GAREM1: variants seen among roughly 807,000 people sequenced by gnomAD.
The protein encoded by GAREM1 is GRB2 associated regulator of MAPK1 subtype 1.
A neutral mutation model predicts 71.3 loss-of-function variants in GAREM1; 26 were observed. The ratio of observed to expected loss-of-function variants is 0.36; its 90% CI spans 0.27 to 0.51. GAREM1 has a LOEUF of 0.51. Ranked by LOEUF, GAREM1 falls within the 20% of genes least tolerant of loss-of-function variation. GAREM1 has a pLI of 0.95. For synonymous variants in GAREM1, 440 were observed against 433.2 expected (o/e 1.02, Z -0.20); for missense variants, 1,026 against 1,103.1 (o/e 0.93, Z 0.99).
At chr18:32,284,058 G>C (rs990388652) in intron 4 of GAREM1, among the ~76,000 whole-genome samples, 1 of 152,082 alleles carries the variant, frequency 6.6e-6, no homozygotes, top group African/African-American at 2.4e-5. Context: ...TTAATTCTGT[G>C]GGAGCACTTA....
intron 2 of GAREM1, among the ~76,000 whole-genome samples, chr18:32,310,634 A>C (rs1287145584): frequency 6.6e-6 from 1 of 152,212 alleles, no homozygotes; most frequent in East Asian, 1.9e-4. Context: ...TCACTTTGCT[A>C]TAAATGGTTG....
chr18:32,435,178 A>G (rs1472145623), intron 1 of GAREM1, among the ~76,000 whole-genome samples: 1 of 152,126 alleles, frequency 6.6e-6, no homozygotes, highest in Non-Finnish European at 1.5e-5. Flanking sequence ...AGACTGAGGA[A>G]CTGTCAAAAA....
chr18:32,376,987 A>G (rs1441003868), intron 2 of GAREM1, among the ~76,000 whole-genome samples: 1 of 152,238 alleles, frequency 6.6e-6, no homozygotes, highest in Admixed American at 6.5e-5. Context: ...GTTAGTTACA[A>G]ATTTATTTAA....
intron 1 of GAREM1, among the ~76,000 whole-genome samples, chr18:32,469,588 G>A (rs930957864): frequency 6.6e-6 from 1 of 152,228 alleles, no homozygotes; most frequent in Non-Finnish European, 1.5e-5. Flanking sequence ...GGAGGAAGGA[G>A]TTGGGTGGGT....
Position 32,393,025 on chromosome 18 carries a change from T to C in GAREM1, c.132A>G (p.Val44=). The change falls in exon 2 of 6, where the codon GTA becomes GTG. Residue 44 remains valine (V), a synonymous_variant. Coordinates refer to ENST00000269209, the MANE Select transcript of GAREM1 (RefSeq NM_001242409.2). ...QIARLDNGEC[V]EGLRENDYLL... is the part of the protein sequence containing the mutation. The stretch of plus-strand genomic sequence containing the variant: ...GATAGTCATTTTCCCGCAGCCCTTC[T>C]ACGCACTCTCCTAGGAAATACAATT... 1 of 1,613,718 alleles carries C rather than the reference T, an allele frequency of 6.2e-7. No individual in the cohort carries two copies. The highest frequency in any genetic ancestry group is 1.3e-5 in the African/African-American group (1 of 75,018).
intron 2 of GAREM1, among the ~76,000 whole-genome samples, chr18:32,362,129 A>G (rs1220127018): frequency 6.6e-6 from 1 of 152,160 alleles, no homozygotes; most frequent in East Asian, 1.9e-4. Flanking sequence ...CCGCACTGCT[A>G]TGCTCTTCAC....
At chr18:32,308,361 A>G (rs1368793816) in intron 3 of GAREM1, among the ~76,000 whole-genome samples, 2 of 150,268 alleles carry the variant, frequency 1.3e-5, no homozygotes, top group African/African-American at 4.9e-5. Context: ...AGAGGCATTT[A>G]AAAAAATAGT....
chr18:32,389,674 G>C (rs2144654566), intron 2 of GAREM1, among the ~76,000 whole-genome samples: 1 of 152,238 alleles, frequency 6.6e-6, no homozygotes, highest in African/African-American at 2.4e-5. Context: ...ACATATATAA[G>C]GGTTTCCTCT....
intron 2 of GAREM1, among the ~76,000 whole-genome samples, chr18:32,331,356 G>A (rs1378098963): frequency 3.9e-5 from 6 of 152,156 alleles, no homozygotes; most frequent in Middle Eastern, 3.2e-3. Context: ...CATATGGAAG[G>A]AGGTAAAAAC....
chr18:32,266,766 A>C lies in GAREM1; in HGVS notation c.*1105T>G, dbSNP rs926870332. ...AGCATGAAGTAGGTTGAGAATGCCT[A>C]ATGTACTCTGACAAATGCTCTTCAG... On this transcript the variant is annotated 3_prime_UTR_variant, in exon 6 of 6. Transcript: ENST00000269209. The C allele has an allele frequency of 6.6e-6, 1 of 152,300 alleles. No homozygotes were observed. Among genetic ancestry groups the C allele is most frequent in the African/African-American group, 2.4e-5 (1 of 41,566 alleles). The allele number at this position is 152,300 out of a possible 1,614,324, so 9.4% of individuals were successfully genotyped here. A position where few individuals can be genotyped will look rare whatever the true frequency, so the allele number is the denominator to read the frequency against.
Position 32,433,668 on chromosome 18 carries a change from A to C in GAREM1, c.121+36640T>G, listed in dbSNP as rs142966937. On this transcript the variant is annotated intron_variant, in intron 1 of 5. Coordinates refer to ENST00000269209, the MANE Select transcript of GAREM1 (RefSeq NM_001242409.2). ...AGTCACATTTCTCTATCTTAGCAAT[A>C]TACAATTGGAAACAAATTTTAAAAT... Among the ~76,000 whole-genome samples, 858 of 152,220 alleles carry C rather than the reference A, an allele frequency of 5.6e-3. 6 individuals are homozygous for C. The highest frequency in any genetic ancestry group is 0.02 in the African/African-American group (814 of 41,586).
At chr18:32,400,315 T>C (rs2048301410) in intron 1 of GAREM1, among the ~76,000 whole-genome samples, 1 of 152,058 alleles carries the variant, frequency 6.6e-6, no homozygotes, top group African/African-American at 2.4e-5. Flanking sequence ...AAGCCAAAAT[T>C]GACAAATGGG....
intron 2 of GAREM1, among the ~76,000 whole-genome samples, chr18:32,364,024 A>ATTTTTTTT (rs1292370389): frequency 1.9e-5 from 1 of 52,224 alleles, no homozygotes; most frequent in Non-Finnish European, 3.1e-5. Flanking sequence ...ATATATATAT[A>ATTTTTTTT]TATGTTTTTT....
intron 2 of GAREM1, among the ~76,000 whole-genome samples, chr18:32,383,787 C>CCA (rs1339233869): frequency 4.6e-5 from 7 of 152,082 alleles, no homozygotes; most frequent in African/African-American, 1.7e-4. Flanking sequence ...GAGTTTTGAA[C>CCA]CCCATCCCTG....
intron 1 of GAREM1, among the ~76,000 whole-genome samples, chr18:32,457,182 G>T (rs1438270585): frequency 7.7e-6 from 1 of 129,702 alleles, no homozygotes; most frequent in Non-Finnish European, 1.7e-5. Context: ...GGGGGTGGGG[G>T]AGAGAGATTG....
At chr18:32,279,789 T>C (rs914222948) in intron 4 of GAREM1, among the ~76,000 whole-genome samples, 4 of 152,304 alleles carry the variant, frequency 2.6e-5, no homozygotes, top group South Asian at 2.1e-4. Flanking sequence ...ACTGTGGCAA[T>C]TGGATATTAT....
intron 4 of GAREM1, among the ~76,000 whole-genome samples, chr18:32,280,921 C>T (rs745999134): frequency 9.2e-5 from 14 of 152,126 alleles, no homozygotes; most frequent in Non-Finnish European, 1.8e-4. Flanking sequence ...GAAAGTGTGA[C>T]TTCTTCTCTC....
At chr18:32,434,541 T>C (rs555961962) in intron 1 of GAREM1, among the ~76,000 whole-genome samples, 2 of 152,120 alleles carry the variant, frequency 1.3e-5, no homozygotes, top group South Asian at 4.2e-4. Context: ...TAGAGTTCCC[T>C]ATGGCCAAAG....
intron 1 of GAREM1, among the ~76,000 whole-genome samples, chr18:32,458,236 C>T (rs993335564): frequency 1.3e-5 from 2 of 152,070 alleles, no homozygotes; most frequent in East Asian, 1.9e-4. Flanking sequence ...TCATCAGCTT[C>T]GTTTCATGCA....
Sources: allele counts gnomAD v4.1 joint callset (sites outside exome capture counted in the v4.1 genomes callset), GRCh38; gene constraint gnomAD v4.1.1; transcripts MANE v1.5; gene names NCBI Gene and HGNC (gene_info 2026-07-23, HGNC 2026-07-21).